PRLR: variants seen among roughly 807,000 people sequenced by gnomAD.
PRLR encodes prolactin receptor, also known as hPRL receptor.
PRLR carries 13 observed loss-of-function variants against 40.2 expected under a neutral mutation model. The ratio of observed to expected loss-of-function variants is 0.32; its 90% CI spans 0.21 to 0.51. PRLR has a LOEUF of 0.51. Ranked by LOEUF, PRLR falls within the 20% of genes least tolerant of loss-of-function variation. The pLI is 0.97. For synonymous variants in PRLR, 269 were observed against 278.7 expected (o/e 0.97, Z 0.35); for missense variants, 656 against 747.3 (o/e 0.88, Z 1.42).
chr5:35,154,067 C>T (rs1774417468), intron 1 of PRLR, among the ~76,000 whole-genome samples: 1 of 152,178 alleles, frequency 6.6e-6, no homozygotes, highest in African/African-American at 2.4e-5. Context: ...CTTCAAATAA[C>T]AGCAGCTTAC....
At chr5:35,229,695 T>A (rs1776646172) in intron 1 of PRLR, among the ~76,000 whole-genome samples, 1 of 152,182 alleles carries the variant, frequency 6.6e-6, no homozygotes, top group Middle Eastern at 3.4e-3. Context: ...CCGCTGACTT[T>A]TGGGAGGAGC....
downstream of PRLR, among the ~76,000 whole-genome samples, chr5:35,051,558 G>A (rs1418292491): frequency 6.6e-6 from 1 of 152,170 alleles, no homozygotes; most frequent in Non-Finnish European, 1.5e-5. Context: ...TATGGGGGAA[G>A]AGCTATTCCC....
At chr5:35,200,366 AG>A (rs1372406465) in intron 1 of PRLR, among the ~76,000 whole-genome samples, 1 of 152,202 alleles carries the variant, frequency 6.6e-6, no homozygotes, top group African/African-American at 2.4e-5. Context: ...CTAGGATGAG[AG>A]AAAGTTGCTA....
intron 5 of PRLR, among the ~76,000 whole-genome samples, chr5:35,082,577 A>AT (rs1380364159): frequency 1.3e-5 from 2 of 152,194 alleles, no homozygotes; most frequent in African/African-American, 2.4e-5. Context: ...TCATTGCCAA[A>AT]TATCCTGTGG....
intron 1 of PRLR, among the ~76,000 whole-genome samples, chr5:35,172,677 C>T (rs1231078989): frequency 2.0e-5 from 3 of 152,138 alleles, no homozygotes; most frequent in African/African-American, 7.2e-5. Flanking sequence ...GGATCCTGCC[C>T]TGTGGAGAAG....
At chr5:35,168,105 A>G (rs1774895091) in intron 1 of PRLR, among the ~76,000 whole-genome samples, 1 of 152,074 alleles carries the variant, frequency 6.6e-6, no homozygotes, top group Non-Finnish European at 1.5e-5. Context: ...TGCAAGAAAT[A>G]CTATTAAATA....
chr5:35,205,913 C>A (rs954523594), intron 1 of PRLR, among the ~76,000 whole-genome samples: 3 of 152,070 alleles, frequency 2.0e-5, no homozygotes, highest in Non-Finnish European at 4.4e-5. Context: ...GCTCAGTGTT[C>A]AAAAATATTG....
chr5:35,170,927 G>A (rs930490763), intron 1 of PRLR, among the ~76,000 whole-genome samples: 7 of 152,172 alleles, frequency 4.6e-5, no homozygotes, highest in Non-Finnish European at 7.4e-5. Flanking sequence ...TTGAACAAAC[G>A]GACAAAGTAC....
chr5:35,071,308 C>T (rs1769732752), intron 6 of PRLR, among the ~76,000 whole-genome samples: 1 of 148,800 alleles, frequency 6.7e-6, no homozygotes, highest in African/African-American at 2.6e-5. Context: ...TACACTGAAA[C>T]TGAAGGATAT....
chr5:35,214,196 A>G (rs561873670), intron 1 of PRLR, among the ~76,000 whole-genome samples: 53 of 152,314 alleles, frequency 3.5e-4, no homozygotes, highest in Admixed American at 3.3e-3. Flanking sequence ...TGGAGAAAGT[A>G]TATTCTGCTA....
At chr5:35,138,342 A>G (rs1773919213) in intron 1 of PRLR, among the ~76,000 whole-genome samples, 1 of 152,390 alleles carries the variant, frequency 6.6e-6, no homozygotes, top group African/African-American at 2.4e-5. Flanking sequence ...TAAGACAGTA[A>G]ATACTATGTT....
intron 1 of PRLR, among the ~76,000 whole-genome samples, chr5:35,199,086 A>C (rs1281222815): frequency 6.6e-6 from 1 of 152,194 alleles, no homozygotes; most frequent in Non-Finnish European, 1.5e-5. Context: ...CCGAAGCAGG[A>C]AAGACTAGGG....
At chr5:35,179,422 C>T (rs960560161) in intron 1 of PRLR, among the ~76,000 whole-genome samples, 2 of 152,138 alleles carry the variant, frequency 1.3e-5, no homozygotes, top group Admixed American at 1.3e-4. Context: ...AGCTACAGGC[C>T]ACGCGAATAA....
chr5:35,054,866 T>C (rs1254078133), downstream of PRLR, among the ~76,000 whole-genome samples: 1 of 152,208 alleles, frequency 6.6e-6, no homozygotes, highest in Non-Finnish European at 1.5e-5. Context: ...ATTTTAAAAA[T>C]AGCTGGGAAG....
intron 1 of PRLR, among the ~76,000 whole-genome samples, chr5:35,154,748 A>G (rs569386795): frequency 2.6e-5 from 4 of 152,224 alleles, no homozygotes; most frequent in Non-Finnish European, 4.4e-5. Context: ...CCAAATGCCC[A>G]TTAATAATAG....
chr5:35,142,814 G>A (rs1166273350), intron 1 of PRLR, among the ~76,000 whole-genome samples: 2 of 152,204 alleles, frequency 1.3e-5, no homozygotes, highest in African/African-American at 2.4e-5. Context: ...GCTATGGCCA[G>A]GTTGTCTGGT....
At position 35,061,170 on chromosome 5, in the gene PRLR, T is replaced by C. The variant is rs1350848918; in HGVS notation, c.*3919A>G. The C allele has an allele frequency of 1.3e-5, 2 of 152,044 alleles. No individual in the cohort carries two copies. The highest frequency in any genetic ancestry group is 2.1e-4 in the South Asian group (1 of 4,818). 9.4% of individuals were successfully genotyped at this position (152,044 alleles called of 1,614,324 possible). A position where few individuals can be genotyped will look rare whatever the true frequency, so the allele number is the denominator to read the frequency against. ...AAGGCAAATGTTACTTTCTAATCAA[T>C]ACATTTTTCCTTGCAAAATGAAAAC... is the stretch of plus-strand genomic sequence containing the variant. On this transcript the variant is annotated 3_prime_UTR_variant, in exon 10 of 10. Coordinates refer to ENST00000618457, the MANE Select transcript of PRLR (RefSeq NM_000949.7).
rs1769259931 is a variant in PRLR at position 35,064,962 on chromosome 5, T to C, written c.*127A>G. The stretch of plus-strand genomic sequence containing the variant: ...GGAGAAAGAGGCAAGTGGTTAAAAA[T>C]GGAGCATGAAAGGAGCTGGGAGCTT... On this transcript the variant is annotated 3_prime_UTR_variant, in exon 10 of 10. Coordinates refer to ENST00000618457, the MANE Select transcript of PRLR (RefSeq NM_000949.7). 2.9e-6 allele frequency: 3 copies of C among 1,040,074 alleles called. No homozygotes were observed. Among genetic ancestry groups the C allele is most frequent in the African/African-American group, 1.6e-5 (1 of 62,242 alleles). 64.4% of individuals were successfully genotyped at this position (1,040,074 alleles called of 1,614,324 possible). A position where few individuals can be genotyped will look rare whatever the true frequency, so the allele number is the denominator to read the frequency against.
At chr5:35,190,664 G>A (rs1024453055) in intron 1 of PRLR, among the ~76,000 whole-genome samples, 1 of 151,764 alleles carries the variant, frequency 6.6e-6, no homozygotes, top group African/African-American at 2.4e-5. Flanking sequence ...TTGCTTTTTC[G>A]TTGAAACAAT....
Sources: allele counts gnomAD v4.1 joint callset (sites outside exome capture counted in the v4.1 genomes callset), GRCh38; gene constraint gnomAD v4.1.1; transcripts MANE v1.5; gene names NCBI Gene and HGNC (gene_info 2026-07-23, HGNC 2026-07-21).